The following FCHO2 variants were observed in gnomAD, a reference collection of about 807,000 sequenced individuals.
The protein encoded by FCHO2 is F-BAR domain only protein 2.
A neutral mutation model predicts 114.1 loss-of-function variants in FCHO2; 43 were observed. The ratio of observed to expected loss-of-function variants is 0.38; its 90% CI spans 0.30 to 0.49. The LOEUF (loss-of-function observed/expected upper bound fraction) is 0.49, where lower values mean the gene tolerates loss of function less well. Among genes scored for constraint, FCHO2 ranks in the 20% least tolerant of loss-of-function variants. The pLI is 0.97. For missense variants in FCHO2, 807 were observed against 950.4 expected, an observed-to-expected ratio of 0.85 and a Z score of 1.98; for synonymous variants, 293 against 315.2, an observed-to-expected ratio of 0.93 and a Z score of 0.75.
intron 1 of FCHO2, among the ~76,000 whole-genome samples, chr5:72,962,460 A>T (rs1170105943): frequency 6.6e-6 from 1 of 152,166 alleles, no homozygotes; most frequent in African/African-American, 2.4e-5. Context: ...TCCTGAGATT[A>T]TCCATCCTGA....
intron 8 of FCHO2, among the ~76,000 whole-genome samples, chr5:73,030,582 T>C (rs1756184296): frequency 6.6e-6 from 1 of 152,202 alleles, no homozygotes; most frequent in South Asian, 2.1e-4. Context: ...TCTAGACTAA[T>C]TAAATATCTA....
Position 72,990,577 on chromosome 5 carries a change from A to G in FCHO2, c.300A>G (p.Glu100=), listed in dbSNP as rs1753760200. The change falls in exon 4 of 26, where the codon GAA becomes GAG. Residue 100 remains glutamate (E), a synonymous_variant. Coordinates refer to ENST00000430046, the MANE Select transcript of FCHO2 (RefSeq NM_138782.3). ...GAAAATTACAAGAATTAATAAAGGAAGTTCAGAAGTATGGAGAAGAACAAG... is the reference window on the plus strand; with the variant it reads ...GAAAATTACAAGAATTAATAAAGGAGGTTCAGAAGTATGGAGAAGAACAAG... ...LVRKLQELIK[E]VQKYGEEQVK... The G allele has an allele frequency of 4.6e-6, 7 of 1,535,960 alleles. No individual in the cohort carries two copies. Among genetic ancestry groups the G allele is most frequent in the Non-Finnish European group, 6.1e-6 (7 of 1,145,084 alleles).
In FCHO2 at chr5:73,040,203, A is replaced by T. The variant is rs141851055; in HGVS notation, c.915-1088A>T. 4.7e-4 allele frequency among the ~76,000 whole-genome samples: 71 copies of T among 152,264 alleles called. No homozygotes were observed. In the East Asian group the frequency reaches 0.011, roughly 23 times the overall value. ...TTGCGTATCCTTTGAAATGCTTGAG[A>T]CCAGAAGTGTTTTGGATTTCAGATT... is the stretch of plus-strand genomic sequence containing the variant. On this transcript the variant is annotated intron_variant, in intron 10 of 25. Transcript: ENST00000430046.
intron 2 of FCHO2, among the ~76,000 whole-genome samples, chr5:72,982,826 A>ATTT (rs36075860): frequency 1.8e-5 from 2 of 108,176 alleles, no homozygotes; most frequent in South Asian, 3.0e-4. Context: ...GTCTGGATTC[A>ATTT]TTTTTTTTTT....
chr5:73,006,657 A>G (rs2112715924), intron 6 of FCHO2, 108 bp downstream of exon 6: 3 of 687,730 alleles, frequency 4.4e-6, no homozygotes, highest in South Asian at 3.4e-5. Flanking sequence ...AAAATGCACA[A>G]TCTCAATTTG....
intron 15 of FCHO2, among the ~76,000 whole-genome samples, chr5:73,055,274 A>T (rs1757537997): frequency 2.0e-5 from 3 of 152,178 alleles, no homozygotes. Flanking sequence ...AAATGCAGAA[A>T]TATTGAAGAA....
intron 20 of FCHO2, 124 bp from the exon 21 acceptor site, chr5:73,077,208 GGATATA>G (rs987223155): frequency 1.7e-6 from 1 of 604,570 alleles, no homozygotes; most frequent in Non-Finnish European, 2.6e-6. Flanking sequence ...TTATGATAAA[GGATATA>G]GATATACACA....
At chr5:73,028,746 G>C (rs941840717) in intron 8 of FCHO2, among the ~76,000 whole-genome samples, 1 of 150,080 alleles carries the variant, frequency 6.7e-6, no homozygotes, top group African/African-American at 2.5e-5. Context: ...CACCTCCCAG[G>C]TTCAAGTGAT....
At chr5:72,956,173 C>T (rs1561393563) in intron 1 of FCHO2, 44 bp downstream of exon 1, 3 of 1,523,058 alleles carry the variant, frequency 2.0e-6, no homozygotes, top group East Asian at 5.4e-5. Context: ...AAGTCCAAGG[C>T]TTTTGGCGCC....
chr5:73,083,350 A>G (rs1743186837), intron 24 of FCHO2, among the ~76,000 whole-genome samples: 1 of 152,188 alleles, frequency 6.6e-6, no homozygotes, highest in Non-Finnish European at 1.5e-5. Context: ...GTTCATCTAG[A>G]TTGAGTATGT....
chr5:73,050,095 AT>A (rs1397988436), intron 11 of FCHO2, among the ~76,000 whole-genome samples: 1 of 152,120 alleles, frequency 6.6e-6, no homozygotes, highest in African/African-American at 2.4e-5. Flanking sequence ...GATACATCAT[AT>A]ATATCTTTAA....
In FCHO2 at chr5:72,963,616, A is replaced by G. The variant is rs559146273; in HGVS notation, c.34-4882A>G. On this transcript the variant is annotated intron_variant, in intron 1 of 25. Coordinates refer to ENST00000430046, the MANE Select transcript of FCHO2 (RefSeq NM_138782.3). ...GGAGTGCAGTGGCCCCATCACCATC[A>G]TAGCTCACTGCAGCCTTGAACTCCT... Among the ~76,000 whole-genome samples the G allele has an allele frequency of 2.0e-5, 3 of 151,932 alleles. No homozygotes were observed. In the East Asian group the frequency reaches 5.8e-4, roughly 29 times the overall value.
At chr5:73,058,371 A>G in intron 16 of FCHO2, 62 bp from the exon 17 acceptor site, 1 of 1,173,038 alleles carries the variant, frequency 8.5e-7, no homozygotes, top group East Asian at 2.6e-5. Context: ...ATAAGTGACT[A>G]GAAATTTTAT....
chr5:73,083,580 A>G (rs1474358026), intron 24 of FCHO2, among the ~76,000 whole-genome samples: 4 of 152,166 alleles, frequency 2.6e-5, no homozygotes, highest in Non-Finnish European at 4.4e-5. Context: ...AATCATGTAG[A>G]CGCTTCCAGG....
chr5:73,006,518 A>T lies in FCHO2; in HGVS notation c.569A>T (p.Asp190Val). The change falls in exon 6 of 26, where the codon GAT (aspartate) becomes GTT (valine). Residue 190 changes from aspartate (D) to valine (V), a missense_variant. By Grantham distance (152) the Asp-to-Val change is radical. Coordinates refer to ENST00000430046, the MANE Select transcript of FCHO2 (RefSeq NM_138782.3). ...YVEKYALAKA[D>V]FEQKMTETAQ... Reference sequence around the variant, plus strand: ...GAAAAATATGCATTAGCAAAAGCTGATTTCGAACAGAAAATGACAGAAACA... The same window carrying T: ...GAAAAATATGCATTAGCAAAAGCTGTTTTCGAACAGAAAATGACAGAAACA... The T allele has an allele frequency of 6.4e-7, 1 of 1,572,098 alleles. No homozygotes were observed. The highest frequency in any genetic ancestry group is 8.6e-7 in the Non-Finnish European group (1 of 1,162,632).
chr5:73,020,822 T>C, intron 8 of FCHO2: 1 of 914,694 alleles, frequency 1.1e-6, no homozygotes, highest in African/African-American at 1.6e-5. Context: ...CTGTCTGCGA[T>C]GCTGCCGAGC....
intron 18 of FCHO2, among the ~76,000 whole-genome samples, chr5:73,065,600 C>T (rs970277439): frequency 5.9e-5 from 9 of 152,034 alleles, no homozygotes; most frequent in South Asian, 2.1e-4. Context: ...ACATGTAAAA[C>T]AGAATATTGT....
At chr5:73,012,165 C>T (rs1407969721) in intron 6 of FCHO2, among the ~76,000 whole-genome samples, 1 of 152,130 alleles carries the variant, frequency 6.6e-6, no homozygotes, top group East Asian at 1.9e-4. Flanking sequence ...GTATCAGCAT[C>T]ACCACAAACG....
chr5:73,006,790 G>A (rs889220931), intron 6 of FCHO2, among the ~76,000 whole-genome samples: 2 of 152,128 alleles, frequency 1.3e-5, no homozygotes, highest in Non-Finnish European at 2.9e-5. Flanking sequence ...GGTAATTGGG[G>A]AAACTGAGGG....
Sources: allele counts gnomAD v4.1 joint callset (sites outside exome capture counted in the v4.1 genomes callset), GRCh38; gene constraint gnomAD v4.1.1; transcripts MANE v1.5; gene names NCBI Gene and HGNC (gene_info 2026-07-23, HGNC 2026-07-21).